The following LRMDA variants were observed in gnomAD, a reference collection of about 807,000 sequenced individuals.
The protein encoded by LRMDA is leucine-rich melanocyte differentiation-associated protein.
In LRMDA, 18 loss-of-function variants were observed where a neutral mutation model predicts 29.8. The observed-to-expected ratio is 0.60, with a 90% CI of 0.42 to 0.90. The LOEUF is 0.90. LRMDA is among the 40% of genes least tolerant of loss of function. The probability of loss-of-function intolerance (pLI) is 0.00; values close to 1 mark genes in which losing one functional copy is unlikely to be tolerated. For missense variants in LRMDA, 273 were observed against 273.9 expected, an observed-to-expected ratio of 1.00 and a Z score of 0.02; for synonymous variants, 125 against 109.4, an observed-to-expected ratio of 1.14 and a Z score of -0.89.
chr10:76,215,485 C>A (rs764397148), intron 5 of LRMDA, among the ~76,000 whole-genome samples: 9 of 151,658 alleles, frequency 5.9e-5, no homozygotes, highest in Non-Finnish European at 1.2e-4. Context: ...GGTGTTGGCA[C>A]AGGAGATGAA....
chr10:75,943,833 G>A (rs1190580400), intron 2 of LRMDA, among the ~76,000 whole-genome samples: 1 of 152,172 alleles, frequency 6.6e-6, no homozygotes, highest in Non-Finnish European at 1.5e-5. Context: ...ATTATTTATT[G>A]AGGACCTGCT....
At chr10:76,547,494 C>CATTTATTTATTTATTTATTTATTT (rs148952693) in intron 6 of LRMDA, among the ~76,000 whole-genome samples, 4 of 151,872 alleles carry the variant, frequency 2.6e-5, no homozygotes, top group Admixed American at 2.6e-4. Context: ...TAGTTGCCGC[C>CATTTATTTATTTATTTATTTATTT]ATTTATTTAT....
At chr10:76,076,621 A>C (rs1848964371) in intron 5 of LRMDA, among the ~76,000 whole-genome samples, 1 of 152,010 alleles carries the variant, frequency 6.6e-6, no homozygotes, top group African/African-American at 2.4e-5. Context: ...TCCAGAGAAA[A>C]GTGAAAGTGA....
At chr10:76,317,070 G>A (rs1840708856) in intron 5 of LRMDA, among the ~76,000 whole-genome samples, 1 of 152,144 alleles carries the variant, frequency 6.6e-6, no homozygotes. Flanking sequence ...TCAGGAGAAG[G>A]GCATCATGAA....
At chr10:76,503,377 G>A (rs1208855068) in intron 6 of LRMDA, among the ~76,000 whole-genome samples, 1 of 151,798 alleles carries the variant, frequency 6.6e-6, no homozygotes. Context: ...TGATTTTTTA[G>A]AATAGTTTCA....
chr10:76,356,322 G>A (rs1185976367), intron 6 of LRMDA, among the ~76,000 whole-genome samples: 2 of 152,156 alleles, frequency 1.3e-5, no homozygotes, highest in East Asian at 1.9e-4. Context: ...AGGCACAGAG[G>A]TGTCAAAGTT....
At chr10:76,212,119 C>T (rs979233671) in intron 5 of LRMDA, among the ~76,000 whole-genome samples, 4 of 152,110 alleles carry the variant, frequency 2.6e-5, no homozygotes, top group African/African-American at 9.7e-5. Context: ...AGTCCATTAA[C>T]CTACAAATGT....
intron 5 of LRMDA, among the ~76,000 whole-genome samples, chr10:76,078,135 C>G (rs1848990771): frequency 6.6e-6 from 1 of 150,380 alleles, no homozygotes; most frequent in Admixed American, 6.6e-5. Flanking sequence ...CTCAGCCTCC[C>G]AAGTAGCTGG....
At chr10:76,033,983 GA>G (rs199951475) in intron 2 of LRMDA, among the ~76,000 whole-genome samples, 33 of 146,658 alleles carry the variant, frequency 2.3e-4, no homozygotes, top group African/African-American at 6.2e-4. Flanking sequence ...GGAAGGAAAA[GA>G]AAAAAAAAAC....
chr10:75,935,796 C>G (rs1241229674), intron 2 of LRMDA, among the ~76,000 whole-genome samples: 1 of 152,170 alleles, frequency 6.6e-6, no homozygotes, highest in Non-Finnish European at 1.5e-5. Flanking sequence ...TGTCCACATG[C>G]AACTGAGGTG....
chr10:76,531,626 G>A (rs1843235242), intron 6 of LRMDA, among the ~76,000 whole-genome samples: 1 of 151,988 alleles, frequency 6.6e-6, no homozygotes, highest in Admixed American at 6.6e-5. Context: ...TGCATCTCTA[G>A]GATAAAGTGT....
chr10:76,351,232 T>C (rs1841173003), intron 6 of LRMDA, among the ~76,000 whole-genome samples: 1 of 152,186 alleles, frequency 6.6e-6, no homozygotes. Flanking sequence ...CAGCCATACA[T>C]GGCTGCAGAG....
At chr10:76,508,311 T>C (rs1415479727) in intron 6 of LRMDA, among the ~76,000 whole-genome samples, 1 of 152,198 alleles carries the variant, frequency 6.6e-6, no homozygotes, top group Non-Finnish European at 1.5e-5. Context: ...CTTCACTAAG[T>C]TTAGCACCTG....
intron 5 of LRMDA, among the ~76,000 whole-genome samples, chr10:76,288,635 T>C (rs1237634362): frequency 6.6e-6 from 1 of 152,224 alleles, no homozygotes; most frequent in African/African-American, 2.4e-5. Flanking sequence ...GAGCTCAGTC[T>C]AAAAGCATGG....
intron 5 of LRMDA, among the ~76,000 whole-genome samples, chr10:76,194,041 G>C (rs906985476): frequency 6.6e-6 from 1 of 152,182 alleles, no homozygotes. Context: ...GAGACTTGAA[G>C]GGACAGGATA....
intron 2 of LRMDA, among the ~76,000 whole-genome samples, chr10:75,940,781 T>C (rs1846377004): frequency 2.0e-5 from 3 of 152,042 alleles, no homozygotes; most frequent in South Asian, 2.1e-4. Context: ...TGTGTGTGTG[T>C]GTGCGCGCGC....
chr10:76,289,695 A>G (rs533637313), intron 5 of LRMDA, among the ~76,000 whole-genome samples: 49 of 152,314 alleles, frequency 3.2e-4, no homozygotes, highest in African/African-American at 1.2e-3. Flanking sequence ...ACATGTAGCA[A>G]AAACCTGGTG....
intron 2 of LRMDA, among the ~76,000 whole-genome samples, chr10:75,707,189 A>C (rs928625085): frequency 6.6e-6 from 1 of 152,180 alleles, no homozygotes; most frequent in African/African-American, 2.4e-5. Flanking sequence ...CTTTGGCCCT[A>C]TCAGATTTTA....
chr10:76,195,547 T>C (rs1217533356), intron 5 of LRMDA, among the ~76,000 whole-genome samples: 4 of 152,194 alleles, frequency 2.6e-5, no homozygotes, highest in Non-Finnish European at 5.9e-5. Flanking sequence ...GTTTCTTCTT[T>C]CCAGGACGTC....
Sources: gnomAD v4.1 joint callset for allele counts (sites outside exome capture counted in the v4.1 genomes callset) on GRCh38, gnomAD v4.1.1 for gene constraint, MANE v1.5 for transcripts, NCBI Gene and HGNC (gene_info 2026-07-23, HGNC 2026-07-21) for gene names.